Variants in CCNDBP1 observed in about 807,000 individuals in gnomAD.
CCNDBP1 encodes cyclin D1 binding protein 1, also known as cyclin-D1-binding protein 1.
A neutral mutation model predicts 46.2 loss-of-function variants in CCNDBP1; 45 were observed. That is an observed-to-expected ratio of 0.97 (90% confidence interval 0.77 to 1.25). CCNDBP1 has a LOEUF of 1.25. CCNDBP1 is among the 50% of genes most tolerant of loss of function. CCNDBP1 has a pLI of 0.00. For synonymous variants in CCNDBP1, 154 were observed against 163.6 expected, an observed-to-expected ratio of 0.94 and a Z score of 0.45; for missense variants, 436 against 442.1, an observed-to-expected ratio of 0.99 and a Z score of 0.12.
rs894220796 is a variant in CCNDBP1, at chr15:43,186,312, A to G, written c.249+79A>G. The G allele has an allele frequency of 4.3e-6, 5 of 1,150,128 alleles. No individual in the cohort carries two copies. The Admixed American group carries it at 9.8e-5, about 23-fold the overall frequency. 71.2% of individuals were successfully genotyped at this position (1,150,128 alleles called of 1,614,324 possible). ...CTCTAATTTTCTTTCCACCTTTTGC[A>G]CGCACGCCAGGAGATTTCTTTTCTT... On this transcript the variant is annotated intron_variant, in intron 3 of 10. Coordinates refer to ENST00000300213, the MANE Select transcript of CCNDBP1 (RefSeq NM_012142.5).
intron 3 of CCNDBP1, 98 bp from the exon 4 acceptor site, chr15:43,189,101 A>AAAAAAAAAAAAAAAAAAAAG (rs756151109): frequency 6.3e-6 from 1 of 159,494 alleles, no homozygotes; most frequent in Non-Finnish European, 1.2e-5. Flanking sequence ...AAAAAAAAAA[A>AAAAAAAAAAAAAAAAAAAAG]AAAGAAAAAG....
chr15:43,192,775 C>T lies in CCNDBP1; in HGVS notation c.893C>T (p.Pro298Leu). The T allele has an allele frequency of 6.2e-7, 1 of 1,614,062 alleles. No individual in the cohort carries two copies. Among genetic ancestry groups the T allele is most frequent in the Non-Finnish European group, 8.5e-7 (1 of 1,179,984 alleles). The change falls in exon 9 of 11, where the codon CCT becomes CTT. Residue 298 changes from proline to leucine, a missense_variant. Pro to Leu is a moderately conservative substitution (Grantham distance 98, BLOSUM62 -3). Coordinates refer to ENST00000300213, the MANE Select transcript of CCNDBP1 (RefSeq NM_012142.5). ...GATTTGGCTCTGAGCATATATCCAC[C>T]TATGTGTCACCTGACCGTGCGAATC... ...VDDLALSIYP[P>L]MCHLTVRINS... is the part of the protein sequence containing the mutation.
At chr15:43,192,824 A>C in intron 9 of CCNDBP1, 21 bp downstream of exon 9, 1 of 1,609,256 alleles carries the variant, frequency 6.2e-7, no homozygotes, top group Non-Finnish European at 8.5e-7. Context: ...GCTTTGAGGG[A>C]ATAGCTACAG....
In CCNDBP1 at chr15:43,186,182, A is replaced by AGTG; in HGVS notation, c.199_200insTGG (p.Glu66_Ala67insVal). On this transcript the variant is annotated inframe_insertion, in exon 3 of 11. Coordinates refer to ENST00000300213, the MANE Select transcript of CCNDBP1 (RefSeq NM_012142.5). ...AGGCAGCTGTGACTGTGTCAAGGGA[A>AGTG]GCCACGACTCTGACCATAGTCTTCT... The AGTG allele has an allele frequency of 6.2e-7, 1 of 1,614,114 alleles. No homozygotes were observed. The highest frequency in any genetic ancestry group is 8.5e-7 in the Non-Finnish European group (1 of 1,179,992).
intron 4 of CCNDBP1, chr15:43,189,508 G>A: frequency 2.2e-6 from 1 of 457,652 alleles, no homozygotes; most frequent in Non-Finnish European, 3.9e-6. Flanking sequence ...GACTCATAAG[G>A]CTTTTAATTC....
chr15:43,186,374 G>A, intron 3 of CCNDBP1, 141 bp downstream of exon 3: 2 of 698,548 alleles, frequency 2.9e-6, no homozygotes, highest in East Asian at 2.8e-5. Context: ...TACTTCACAG[G>A]ATTGTTGTGA....
rs2142248205 is a variant in CCNDBP1 at position 43,197,168 on chromosome 15, T to C, written c.*2327T>C. On this transcript the variant is annotated 3_prime_UTR_variant, in exon 11 of 11. Coordinates refer to ENST00000300213, the MANE Select transcript of CCNDBP1 (RefSeq NM_012142.5). Reference sequence around the variant, plus strand: ...CCGTGAGCCAAATAAAGCTCTTTTCTTTTAAACTACCCAGCCTCAGTTATT... The same window carrying C: ...CCGTGAGCCAAATAAAGCTCTTTTCCTTTAAACTACCCAGCCTCAGTTATT... 1.5e-6 allele frequency: 2 copies of C among 1,318,184 alleles called. No homozygotes were observed. Among genetic ancestry groups the C allele is most frequent in the Non-Finnish European group, 2.1e-6 (2 of 936,266 alleles). The allele number at this position is 1,318,184 out of a possible 1,614,324, so 81.7% of individuals were successfully genotyped here. A position where few individuals can be genotyped will look rare whatever the true frequency, so the allele number is the denominator to read the frequency against.
intron 8 of CCNDBP1, among the ~76,000 whole-genome samples, chr15:43,192,075 A>T (rs1158389724): frequency 4.6e-5 from 7 of 152,206 alleles, no homozygotes; most frequent in African/African-American, 1.7e-4. Context: ...AGTTGTCTGT[A>T]TCTAAAATGT....
At chr15:43,191,852 T>A (rs1261525289) in intron 8 of CCNDBP1, among the ~76,000 whole-genome samples, 177 bp downstream of exon 8, 1 of 152,212 alleles carries the variant, frequency 6.6e-6, no homozygotes, top group African/African-American at 2.4e-5. Context: ...TGCCTGTTGT[T>A]CACATTTTTT....
At position 43,190,969 on chromosome 15, in the gene CCNDBP1, A is replaced by G; in HGVS notation, c.506A>G (p.Asn169Ser). Residue 169 changes from asparagine to serine, a missense_variant, in exon 7 of 11, where the codon AAC (asparagine) becomes AGC (serine). Coordinates refer to ENST00000300213, the MANE Select transcript of CCNDBP1 (RefSeq NM_012142.5). Reference protein sequence around the residue: ...CQQMPQIPRDNKAAALLMLTK... With the variant: ...CQQMPQIPRDSKAAALLMLTK... ...GCTTCTGATTTTTCACTCATAGATAACAAAGCTGCAGCTCTTTTGATGCTG... is the reference window on the plus strand; with the variant it reads ...GCTTCTGATTTTTCACTCATAGATAGCAAAGCTGCAGCTCTTTTGATGCTG... The G allele has an allele frequency of 6.2e-7, 1 of 1,613,702 alleles. No homozygotes were observed. Among genetic ancestry groups the G allele is most frequent in the Non-Finnish European group, 8.5e-7 (1 of 1,179,602 alleles).
chr15:43,194,543 T>TCC, intron 10 of CCNDBP1, 82 bp downstream of exon 10: 1 of 1,165,570 alleles, frequency 8.6e-7, no homozygotes, highest in Non-Finnish European at 1.2e-6. Context: ...CTAGCTCCCA[T>TCC]TTCAAGGAGT....
At chr15:43,187,426 C>T (rs944627849) in intron 3 of CCNDBP1, among the ~76,000 whole-genome samples, 5 of 152,038 alleles carry the variant, frequency 3.3e-5, no homozygotes, top group Admixed American at 6.6e-5. Context: ...CCTGTCACCA[C>T]GCCTGGCTAA....
chr15:43,196,278 A>ATTTTTTTTTTTTTTTTTTTTTTTTTTTTT lies in CCNDBP1; in HGVS notation c.*1462_*1463insTTTTTTTTTTTTTTTTTTTTTTTTTTTTT, dbSNP rs11337946. ...ATCAGGGAAAGCACTGATCAATGTA[A>ATTTTTTTTTTTTTTTTTTTTTTTTTTTTT]TTTTTTTTTTTTTTTTTTTTTTTTT... On this transcript the variant is annotated 3_prime_UTR_variant, in exon 11 of 11. Coordinates refer to ENST00000300213, the MANE Select transcript of CCNDBP1 (RefSeq NM_012142.5). The ATTTTTTTTTTTTTTTTTTTTTTTTTTTTT allele has an allele frequency of 3.1e-5, 2 of 64,912 alleles. No homozygotes were observed. The highest frequency in any genetic ancestry group is 3.2e-5 in the Non-Finnish European group (1 of 30,990). 4.0% of individuals were successfully genotyped at this position (64,912 alleles called of 1,614,324 possible).
chr15:43,190,140 T>G lies in CCNDBP1; in HGVS notation c.417T>G (p.Thr139=). ...AGCTCATGGAAGTACTTTCCGTCAC[T>G]CCAACTCAGAGGTAGTGATGCCACA... is the stretch of plus-strand genomic sequence containing the variant. The part of the protein sequence containing the change: ...MAQLMEVLSV[T]PTQSPENNDL... The change falls in exon 5 of 11, where the codon ACT becomes ACG. Residue 139 remains threonine (T), a synonymous_variant. Coordinates refer to ENST00000300213, the MANE Select transcript of CCNDBP1 (RefSeq NM_012142.5). 1 of 1,614,010 alleles carries G rather than the reference T, an allele frequency of 6.2e-7. No homozygotes were observed. The highest frequency in any genetic ancestry group is 8.5e-7 in the Non-Finnish European group (1 of 1,179,936).
At chr15:43,187,992 GTTTT>G (rs999731253) in intron 3 of CCNDBP1, among the ~76,000 whole-genome samples, 1 of 150,846 alleles carries the variant, frequency 6.6e-6, no homozygotes, top group East Asian at 1.9e-4. Flanking sequence ...GTGGTTGTTG[GTTTT>G]TTTTTGTTGT....
At chr15:43,191,965 A>G (rs2041959778) in intron 8 of CCNDBP1, among the ~76,000 whole-genome samples, 1 of 152,192 alleles carries the variant, frequency 6.6e-6, no homozygotes, top group Admixed American at 6.5e-5. Context: ...TAAATACTTC[A>G]GTATGTATCT....
At chr15:43,187,695 C>A (rs1037204861) in intron 3 of CCNDBP1, among the ~76,000 whole-genome samples, 1 of 152,064 alleles carries the variant, frequency 6.6e-6, no homozygotes, top group African/African-American at 2.4e-5. Flanking sequence ...TCTGCTAACC[C>A]CTTTCTTTCA....
At chr15:43,191,750 TCA>T (rs747127970) in intron 8 of CCNDBP1, 75 bp downstream of exon 8, 23 of 1,500,096 alleles carry the variant, frequency 1.5e-5, no homozygotes, top group Non-Finnish European at 2.0e-5. Flanking sequence ...CTCAAGGTTT[TCA>T]CAGTTTTTTT....
chr15:43,197,107 C>T lies in CCNDBP1; in HGVS notation c.*2266C>T. Reference sequence around the variant, plus strand: ...ATCTTCCTGCATAAGTGGAAGCAGCCTGAAGCCCTCACTGTTTCTTGTACA... The same window carrying T: ...ATCTTCCTGCATAAGTGGAAGCAGCTTGAAGCCCTCACTGTTTCTTGTACA... On this transcript the variant is annotated 3_prime_UTR_variant, in exon 11 of 11. Coordinates refer to ENST00000300213, the MANE Select transcript of CCNDBP1 (RefSeq NM_012142.5). 1 of 702,250 alleles carries T rather than the reference C, an allele frequency of 1.4e-6. No individual in the cohort carries two copies. The highest frequency in any genetic ancestry group is 2.4e-6 in the Non-Finnish European group (1 of 421,792). The allele number at this position is 702,250 out of a possible 1,614,324, so 43.5% of individuals were successfully genotyped here.
Sources: gnomAD v4.1 joint callset for allele counts (sites outside exome capture counted in the v4.1 genomes callset) on GRCh38, gnomAD v4.1.1 for gene constraint, MANE v1.5 for transcripts, NCBI Gene and HGNC (gene_info 2026-07-23, HGNC 2026-07-21) for gene names.